Variants in WRN observed in about 807,000 individuals in gnomAD.
The protein encoded by WRN is WRN RecQ like helicase, also known as bifunctional 3'-5' exonuclease/ATP-dependent helicase WRN.
WRN carries 149 observed loss-of-function variants against 180.7 expected under a neutral mutation model. That is an observed-to-expected ratio of 0.82 (90% confidence interval 0.72 to 0.94). WRN has a LOEUF of 0.94. Among genes scored for constraint, WRN ranks in the 40% least tolerant of loss-of-function variants. The pLI is 0.00. For synonymous variants in WRN, 548 were observed against 568.9 expected (o/e 0.96, Z 0.52); for missense variants, 1,661 against 1,700.1 (o/e 0.98, Z 0.40).
intron 1 of WRN, among the ~76,000 whole-genome samples, chr8:31,049,190 G>A (rs536282536): frequency 6.1e-4 from 66 of 107,558 alleles, no homozygotes; most frequent in African/African-American, 2.3e-3. Context: ...CAGCCTGGGC[G>A]ACAGTGCGAG....
At chr8:31,169,654 A>G (rs1804029596) in intron 34 of WRN, among the ~76,000 whole-genome samples, 1 of 152,212 alleles carries the variant, frequency 6.6e-6, no homozygotes, top group Non-Finnish European at 1.5e-5. Context: ...GCGTGGTTCA[A>G]GATGGCTTTC....
At chr8:31,103,109 C>T (rs1185442094) in intron 18 of WRN, among the ~76,000 whole-genome samples, 1 of 152,154 alleles carries the variant, frequency 6.6e-6, no homozygotes, top group Non-Finnish European at 1.5e-5. Flanking sequence ...CTTCCACCTC[C>T]ACGTCTTATC....
chr8:31,149,453 GTGTTTTTTT>G (rs1388429945), intron 30 of WRN, among the ~76,000 whole-genome samples: 6 of 91,020 alleles, frequency 6.6e-5, no homozygotes, highest in East Asian at 6.5e-4. Context: ...TTTAATAGAG[GTGTTTTTTT>G]TTTTTTTTTT....
chr8:31,116,316 GTA>G lies in WRN; in HGVS notation c.2274-32_2274-31del, dbSNP rs3087429. On this transcript the variant is annotated intron_variant, in intron 19 of 34. Transcript: ENST00000298139. ...CAAACGGGTCTGAAGCATGTATAAA[GTA>G]TATATGTTTGCTCTTTTGTTCTTCT... 5.7e-4 allele frequency: 912 copies of G among 1,606,492 alleles called. 3 individuals carry two copies. In the African/African-American group the frequency reaches 0.011, roughly 19 times the overall value.
intron 4 of WRN, 111 bp from the exon 5 acceptor site, chr8:31,064,804 T>A: frequency 7.8e-7 from 1 of 1,284,998 alleles, no homozygotes; most frequent in Admixed American, 2.2e-5. Context: ...TTTCTGAATT[T>A]AAAATTACTG....
chr8:31,038,917 C>G (rs1811547536), intron 1 of WRN, among the ~76,000 whole-genome samples: 1 of 152,104 alleles, frequency 6.6e-6, no homozygotes, highest in South Asian at 2.1e-4. Context: ...AATCTCAATT[C>G]TATTCTATTG....
intron 20 of WRN, among the ~76,000 whole-genome samples, chr8:31,118,016 T>C (rs1274782762): frequency 6.6e-6 from 1 of 152,212 alleles, no homozygotes; most frequent in African/African-American, 2.4e-5. Context: ...TGACCAATGG[T>C]TTCTTCTATC....
intron 24 of WRN, 43 bp from the exon 25 acceptor site, chr8:31,141,387 T>C (rs1802621541): frequency 6.2e-7 from 1 of 1,611,164 alleles, no homozygotes; most frequent in African/African-American, 1.3e-5. Context: ...ACCTATATGT[T>C]TAAATTAGCA....
chr8:31,045,610 C>G (rs1811832118), intron 1 of WRN, among the ~76,000 whole-genome samples: 1 of 152,074 alleles, frequency 6.6e-6, no homozygotes, highest in African/African-American at 2.4e-5. Context: ...CCATGTTGGC[C>G]AGGCTGGTCT....
At chr8:31,043,415 T>G (rs1811729934) in intron 1 of WRN, among the ~76,000 whole-genome samples, 1 of 152,170 alleles carries the variant, frequency 6.6e-6, no homozygotes, top group African/African-American at 2.4e-5. Context: ...ATTTCACCTG[T>G]AGTCTTGGTG....
At position 31,147,147 on chromosome 8, in the gene WRN, G is replaced by A. The variant is rs199726229; in HGVS notation, c.3459+19G>A. ...GACTCAGGTAAGGCTTTTGTAAAAA[G>A]GTAATTAGTTTATGATAGGATAGTT... On this transcript the variant is annotated intron_variant, in intron 29 of 34. Transcript: ENST00000298139. 17 of 1,610,176 alleles carry A rather than the reference G, an allele frequency of 1.1e-5. No individual in the cohort carries two copies. In the South Asian group the frequency reaches 1.5e-4, roughly 15 times the overall value.
intron 31 of WRN, among the ~76,000 whole-genome samples, chr8:31,152,033 C>T (rs78626226): frequency 6.6e-6 from 1 of 151,844 alleles, no homozygotes. Flanking sequence ...TATATAAATA[C>T]ATTTTTTGAG....
chr8:31,103,950 G>A (rs1332222105), intron 18 of WRN, among the ~76,000 whole-genome samples: 1 of 152,148 alleles, frequency 6.6e-6, no homozygotes, highest in African/African-American at 2.4e-5. Context: ...TAGCCAGGAT[G>A]GTCTCGATCT....
chr8:31,090,579 T>G (rs1813708826), intron 14 of WRN, 47 bp downstream of exon 14: 1 of 1,552,692 alleles, frequency 6.4e-7, no homozygotes. Flanking sequence ...AAATAAAACA[T>G]AAAGAGTTTG....
chr8:31,052,954 G>C (rs970531856), intron 1 of WRN, among the ~76,000 whole-genome samples: 1 of 152,144 alleles, frequency 6.6e-6, no homozygotes, highest in Non-Finnish European at 1.5e-5. Flanking sequence ...TGAGGCAAAA[G>C]AAATTGAAGA....
chr8:31,168,923 A>G (rs560945597), intron 34 of WRN, among the ~76,000 whole-genome samples: 6 of 152,314 alleles, frequency 3.9e-5, no homozygotes, highest in African/African-American at 1.4e-4. Flanking sequence ...CAGAAAGGTG[A>G]TGTCTTGGCA....
rs533633032 is a variant in WRN at position 31,072,336 on chromosome 8, G to A, written c.725-3837G>A. On this transcript the variant is annotated intron_variant, in intron 7 of 34. Coordinates refer to ENST00000298139, the MANE Select transcript of WRN (RefSeq NM_000553.6). ...TAATCTTTTAAACAATAGTTTTGCT[G>A]TACTGGGTAGCAAAAGAGTGATTTG... Among the ~76,000 whole-genome samples the A allele has an allele frequency of 2.0e-5, 3 of 152,342 alleles. No homozygotes were observed. In the South Asian group the frequency reaches 6.2e-4, roughly 32 times the overall value.
intron 24 of WRN, among the ~76,000 whole-genome samples, chr8:31,135,542 C>T (rs1025343911): frequency 4.6e-5 from 7 of 152,034 alleles, no homozygotes; most frequent in Non-Finnish European, 7.4e-5. Context: ...AGATAAGGGA[C>T]GTATGAATAC....
chr8:31,159,944 CAA>C (rs35353095), intron 33 of WRN, among the ~76,000 whole-genome samples: 129 of 101,796 alleles, frequency 1.3e-3, no homozygotes, highest in African/African-American at 1.7e-3. Flanking sequence ...GACTCTGTCT[CAA>C]AAAAAAAAAA....
Sources: gnomAD v4.1 joint callset for allele counts (sites outside exome capture counted in the v4.1 genomes callset) on GRCh38, gnomAD v4.1.1 for gene constraint, MANE v1.5 for transcripts, NCBI Gene and HGNC (gene_info 2026-07-23, HGNC 2026-07-21) for gene names.